Variants in FER1L6 observed in about 807,000 individuals in gnomAD.
The protein encoded by FER1L6 is fer-1-like protein 6.
FER1L6 carries 177 observed loss-of-function variants against 219.2 expected under a neutral mutation model. The ratio of observed to expected loss-of-function variants is 0.81; its 90% CI spans 0.71 to 0.91. The LOEUF (loss-of-function observed/expected upper bound fraction) is 0.91, where lower values mean the gene tolerates loss of function less well. FER1L6 is among the 40% of genes least tolerant of loss of function. The pLI, the probability that FER1L6 is intolerant of heterozygous loss-of-function variation, is 0.00. For missense variants in FER1L6, 2,153 were observed against 2,259.9 expected (o/e 0.95, Z 0.96); for synonymous variants, 768 against 824.3 (o/e 0.93, Z 1.17).
At position 123,914,228 on chromosome 8, in the gene FER1L6, T is replaced by TA. The variant is rs1439805666; in HGVS notation, c.-7-41764_-7-41763insA. Among the ~76,000 whole-genome samples the TA allele has an allele frequency of 2.0e-5, 3 of 152,240 alleles. No individual in the cohort carries two copies. The East Asian group carries it at 5.8e-4, about 29-fold the overall frequency. On this transcript the variant is annotated intron_variant, in intron 1 of 40. Transcript: ENST00000522917. ...GGTAGAAAGTTCTATCAGACATCCCTGTTCTAGGAGAACTGGATGACCTTA... is the reference window on the plus strand; with the variant it reads ...GGTAGAAAGTTCTATCAGACATCCCTAGTTCTAGGAGAACTGGATGACCTTA...
intron 5 of FER1L6, among the ~76,000 whole-genome samples, chr8:123,966,502 G>C (rs1428102578): frequency 6.6e-6 from 1 of 152,180 alleles, no homozygotes; most frequent in Non-Finnish European, 1.5e-5. Context: ...AATTCCTCCT[G>C]ATTTTAAATT....
Position 124,116,823 on chromosome 8 carries a change from T to C in FER1L6, c.5290-2021T>C, listed in dbSNP as rs182297019. On this transcript the variant is annotated intron_variant, in intron 39 of 40. Transcript: ENST00000522917. ...ATGATCTCTGGAAATAAGACTGTTT[T>C]GTACATTGGAGACCATTTTTCCATG... is the stretch of plus-strand genomic sequence containing the variant. 8.5e-5 allele frequency among the ~76,000 whole-genome samples: 13 copies of C among 152,338 alleles called. No individual in the cohort carries two copies. The South Asian group carries it at 1.2e-3, about 15-fold the overall frequency.
intron 1 of FER1L6, among the ~76,000 whole-genome samples, chr8:123,922,581 G>T (rs887299897): frequency 6.6e-6 from 1 of 152,122 alleles, no homozygotes; most frequent in Non-Finnish European, 1.5e-5. Context: ...AGCGAGAGAA[G>T]GCAGCGCCTC....
At chr8:124,101,696 C>T (rs772497695) in intron 38 of FER1L6, among the ~76,000 whole-genome samples, 14 of 152,152 alleles carry the variant, frequency 9.2e-5, no homozygotes, top group East Asian at 1.9e-4. Flanking sequence ...AAGAGCACTC[C>T]GTAGTGCCTC....
chr8:124,063,059 GCTA>G (rs1197143564), intron 25 of FER1L6, among the ~76,000 whole-genome samples: 1 of 152,100 alleles, frequency 6.6e-6, no homozygotes, highest in African/African-American at 2.4e-5. Flanking sequence ...TTCTCTGCTT[GCTA>G]CTGTTTGCAC....
chr8:123,923,560 TA>T, intron 1 of FER1L6, among the ~76,000 whole-genome samples: 1 of 152,304 alleles, frequency 6.6e-6, no homozygotes, highest in Non-Finnish European at 1.5e-5. Context: ...AGGTTATTTT[TA>T]AAATCAGTAA....
intron 39 of FER1L6, among the ~76,000 whole-genome samples, chr8:124,110,481 G>A (rs1822976728): frequency 6.6e-6 from 1 of 152,174 alleles, no homozygotes; most frequent in Non-Finnish European, 1.5e-5. Flanking sequence ...CTGTCCTGGG[G>A]TTACCAGCCA....
rs75925884 is a variant in FER1L6, at chr8:124,041,898, T to C, written c.2589+1892T>C. ...TGTGTGACTCTAAACAAACCTCTGT[T>C]TGTGCCTCAATTTCTTTATCTGTGA... On this transcript the variant is annotated intron_variant, in intron 20 of 40. Coordinates refer to ENST00000522917, the MANE Select transcript of FER1L6 (RefSeq NM_001039112.2). Among the ~76,000 whole-genome samples the C allele has an allele frequency of 1.4e-3, 209 of 152,350 alleles. 2 individuals are homozygous for C. The East Asian group carries it at 0.015, about 11-fold the overall frequency.
At chr8:123,878,075 G>C (rs962175238) in intron 1 of FER1L6, among the ~76,000 whole-genome samples, 12 of 152,226 alleles carry the variant, frequency 7.9e-5, no homozygotes, top group Middle Eastern at 3.4e-3. Context: ...TTAAGTCATC[G>C]TGTGTCACTC....
At chr8:123,911,467 C>G (rs1813045542) in intron 1 of FER1L6, among the ~76,000 whole-genome samples, 1 of 152,132 alleles carries the variant, frequency 6.6e-6, no homozygotes, top group Non-Finnish European at 1.5e-5. Flanking sequence ...TGTTTATTAC[C>G]CCCACTTTAC....
chr8:124,017,655 G>A lies in FER1L6; in HGVS notation c.1950G>A (p.Lys650=). 6.2e-7 allele frequency: 1 copy of A among 1,613,630 alleles called. No individual in the cohort carries two copies. The highest frequency in any genetic ancestry group is 8.5e-7 in the Non-Finnish European group (1 of 1,179,666). Residue 650 remains lysine (K), a synonymous_variant, in exon 16 of 41, where the codon AAG becomes AAA. Transcript: ENST00000522917. ...SSAFISEAEK[K]PKMLNQTTLD... ...CCTTTATCTCTGAAGCAGAAAAAAA[G>A]CCCAAGATGTTGAACCAAACCACTT... is the stretch of plus-strand genomic sequence containing the variant.
At chr8:123,956,131 C>T in intron 2 of FER1L6, 57 bp downstream of exon 2, 1 of 1,466,394 alleles carries the variant, frequency 6.8e-7, no homozygotes, top group Non-Finnish European at 9.4e-7. Flanking sequence ...CAGAGTGACC[C>T]CTCCGTGGCT....
chr8:123,904,231 TG>T (rs1374606692), intron 1 of FER1L6, among the ~76,000 whole-genome samples: 126 of 87,822 alleles, frequency 1.4e-3, no homozygotes, highest in Non-Finnish European at 4.9e-4. Context: ...TATTTGTGTG[TG>T]TGTGTGTGTG....
At chr8:124,075,016 C>T (rs2130885339) in intron 31 of FER1L6, among the ~76,000 whole-genome samples, 1 of 152,292 alleles carries the variant, frequency 6.6e-6, no homozygotes, top group Non-Finnish European at 1.5e-5. Context: ...CTGGGTGAGT[C>T]ACTGAGTGGT....
chr8:124,084,709 T>G (rs891831855), intron 33 of FER1L6, among the ~76,000 whole-genome samples: 3 of 152,186 alleles, frequency 2.0e-5, no homozygotes, highest in Admixed American at 2.0e-4. Context: ...GCATCAGTGT[T>G]CATCAGGGAT....
At chr8:123,895,171 A>C (rs1812723179) in intron 1 of FER1L6, among the ~76,000 whole-genome samples, 1 of 152,250 alleles carries the variant, frequency 6.6e-6, no homozygotes, top group Non-Finnish European at 1.5e-5. Flanking sequence ...GAAATACCAG[A>C]CACATAAAAA....
intron 18 of FER1L6, among the ~76,000 whole-genome samples, chr8:124,033,316 A>T (rs1563755761): frequency 6.6e-6 from 1 of 152,252 alleles, no homozygotes; most frequent in East Asian, 1.9e-4. Context: ...TGCTTTTATT[A>T]TAGGAAAATA....
At chr8:123,905,308 A>T (rs1185641203) in intron 1 of FER1L6, among the ~76,000 whole-genome samples, 3 of 152,172 alleles carry the variant, frequency 2.0e-5, no homozygotes, top group Non-Finnish European at 2.9e-5. Context: ...TTCGGCTCCC[A>T]GTTTTAAGTG....
At chr8:124,118,721 T>C (rs1823351792) in intron 39 of FER1L6, 123 bp from the exon 40 acceptor site, 1 of 825,470 alleles carries the variant, frequency 1.2e-6, no homozygotes, top group South Asian at 1.8e-5. Context: ...TTTATCAAAA[T>C]AAAGCAGCGG....
Sources: allele counts gnomAD v4.1 joint callset (sites outside exome capture counted in the v4.1 genomes callset), GRCh38; gene constraint gnomAD v4.1.1; transcripts MANE v1.5; gene names NCBI Gene and HGNC (gene_info 2026-07-23, HGNC 2026-07-21).